The following CD5L variants were observed in gnomAD, a reference collection of about 807,000 sequenced individuals.
The protein encoded by CD5L is CD5 antigen-like.
In CD5L, 39 loss-of-function variants were observed where a neutral mutation model predicts 40.8. The observed-to-expected ratio is 0.96, with a 90% CI of 0.74 to 1.25. The LOEUF is 1.25. CD5L is among the 50% of genes most tolerant of loss of function. CD5L has a pLI of 0.00. For missense variants in CD5L, 433 were observed against 435.9 expected, an observed-to-expected ratio of 0.99 and a Z score of 0.06; for synonymous variants, 192 against 169.6, an observed-to-expected ratio of 1.13 and a Z score of -1.03.
Position 157,831,620 on chromosome 1 carries a change from T to C in CD5L, c.*344A>G, listed in dbSNP as rs1211252641. On this transcript the variant is annotated 3_prime_UTR_variant, in exon 6 of 6. Coordinates refer to ENST00000368174, the MANE Select transcript of CD5L (RefSeq NM_005894.3). ...TGTTTGCAGACATAGACCTTAGTAA[T>C]GGTCTGCACATCTGACCAAAGTGAC... The C allele has an allele frequency of 1.8e-6, 2 of 1,108,754 alleles. No homozygotes were observed. Among genetic ancestry groups the C allele is most frequent in the Non-Finnish European group, 2.2e-6 (2 of 909,858 alleles). 68.7% of individuals were successfully genotyped at this position (1,108,754 alleles called of 1,614,324 possible).
chr1:157,837,393 A>G (rs1252039638), intron 2 of CD5L, among the ~76,000 whole-genome samples: 3 of 152,192 alleles, frequency 2.0e-5, no homozygotes, highest in African/African-American at 7.2e-5. Flanking sequence ...TAGTGAACTC[A>G]GAGAACAGTG....
chr1:157,839,872 T>G (rs10489683), intron 1 of CD5L, among the ~76,000 whole-genome samples: 38,745 of 151,966 alleles, frequency 0.25, 5,068 homozygotes, highest in South Asian at 0.34. Flanking sequence ...CGGCACAGCA[T>G]TTAGACCAGG....
At position 157,831,742 on chromosome 1, in the gene CD5L, T is replaced by C. The variant is rs1260415896; in HGVS notation, c.*222A>G. The C allele has an allele frequency of 1.3e-5, 17 of 1,276,308 alleles. No homozygotes were observed. The highest frequency in any genetic ancestry group is 3.0e-6 in the Non-Finnish European group (3 of 1,008,838). The allele number at this position is 1,276,308 out of a possible 1,614,324, so 79.1% of individuals were successfully genotyped here. On this transcript the variant is annotated 3_prime_UTR_variant, in exon 6 of 6. Transcript: ENST00000368174. ...AGCACAGGATACATGGAAGCTCATC[T>C]TCCCCAGCAAGAGGGAACTCAACAG...
Position 157,834,532 on chromosome 1 carries a change from C to T in CD5L, c.593G>A (p.Arg198Gln), listed in dbSNP as rs202111822. Residue 198 changes from arginine to glutamine, a missense_variant, in exon 4 of 6, where the codon CGA becomes CAA. Transcript: ENST00000368174. ...QKRCNKHAYG[R>Q]KPIWLSQMSC... Reference sequence around the variant, plus strand: ...CATCTGGCTCAGCCAGATGGGTTTTCGGCCATAGGCATGCTTGTTGCAGCG... The same window carrying T: ...CATCTGGCTCAGCCAGATGGGTTTTTGGCCATAGGCATGCTTGTTGCAGCG... 214 of 1,614,208 alleles carry T rather than the reference C, an allele frequency of 1.3e-4. 2 individuals carry two copies. The South Asian group carries it at 1.3e-3, about 10-fold the overall frequency.
chr1:157,828,209 G>A (rs536320122), downstream of CD5L, among the ~76,000 whole-genome samples: 126 of 152,270 alleles, frequency 8.3e-4, no homozygotes, highest in African/African-American at 2.9e-3. Context: ...GACCTCAGAA[G>A]GGAGAACCTC....
chr1:157,835,930 A>G lies in CD5L; in HGVS notation c.281T>C (p.Val94Ala), dbSNP rs200687551. Residue 94 changes from valine to alanine, a missense_variant, in exon 3 of 6, where the codon GTC (valine) becomes GCC (alanine). By Grantham distance (64) the Val-to-Ala change is moderately conservative (BLOSUM62 0). Transcript: ENST00000368174. ...EKEQKVLIQS[V>A]SCTGTEDTLA... ...TGTATCTTCTGTTCCTGTGCAACTGACTGATTGGATGAGGACCTTTTGCTC... is the reference window on the plus strand; with the variant it reads ...TGTATCTTCTGTTCCTGTGCAACTGGCTGATTGGATGAGGACCTTTTGCTC... 1.9e-6 allele frequency: 3 copies of G among 1,614,150 alleles called. No homozygotes were observed. In the Admixed American group the frequency reaches 5.0e-5, roughly 27 times the overall value.
At chr1:157,830,471 T>C (rs1656017544), downstream of CD5L, among the ~76,000 whole-genome samples, 1 of 152,008 alleles carries the variant, frequency 6.6e-6, no homozygotes, top group Non-Finnish European at 1.5e-5. Flanking sequence ...CCCAGCCGAG[T>C]GGTGGGCTCT....
chr1:157,833,539 G>T, intron 4 of CD5L, 27 bp from the exon 5 acceptor site: 1 of 1,538,144 alleles, frequency 6.5e-7, no homozygotes. Context: ...GAAGTCAGGG[G>T]TTGGAGACAG....
rs1287363763 is a variant in CD5L at position 157,835,940 on chromosome 1, T to C, written c.271A>G (p.Ile91Val). The change falls in exon 3 of 6, where the codon ATC becomes GTC. Residue 91 changes from isoleucine to valine, a missense_variant. Coordinates refer to ENST00000368174, the MANE Select transcript of CD5L (RefSeq NM_005894.3). ...PPAEKEQKVL[I>V]QSVSCTGTED... ...GTTCCTGTGCAACTGACTGATTGGA[T>C]GAGGACCTTTTGCTCTTTTTCTGCT... The C allele has an allele frequency of 6.2e-7, 1 of 1,614,112 alleles. No homozygotes were observed. Among genetic ancestry groups the C allele is most frequent in the Non-Finnish European group, 8.5e-7 (1 of 1,180,046 alleles).
At position 157,831,939 on chromosome 1, in the gene CD5L, G is replaced by A; in HGVS notation, c.*25C>T. 6.3e-7 allele frequency: 1 copy of A among 1,574,830 alleles called. No homozygotes were observed. ...AGCAGAGGGCAGGCGGGGCCAGGGG[G>A]GCCAGGTCAAGCAACACCAGGATAC... On this transcript the variant is annotated 3_prime_UTR_variant, in exon 6 of 6. Transcript: ENST00000368174.
downstream of CD5L, among the ~76,000 whole-genome samples, chr1:157,828,405 T>C (rs1433745421): frequency 3.9e-5 from 6 of 152,192 alleles, no homozygotes; most frequent in East Asian, 9.6e-4. Flanking sequence ...GGACAGGTCC[T>C]ATGTCCCCTC....
Position 157,835,881 on chromosome 1 carries a change from T to G in CD5L, c.330A>C (p.Glu110Asp), listed in dbSNP as rs1422823723. The G allele has an allele frequency of 1.2e-6, 2 of 1,614,152 alleles. No homozygotes were observed. Among genetic ancestry groups the G allele is most frequent in the South Asian group, 2.2e-5 (2 of 91,080 alleles). The change falls in exon 3 of 6, where the codon GAA becomes GAC. Residue 110 changes from glutamate (E) to aspartate (D), a missense_variant. Glu to Asp is a conservative substitution (Grantham distance 45, BLOSUM62 2). Coordinates refer to ENST00000368174, the MANE Select transcript of CD5L (RefSeq NM_005894.3). Reference sequence around the variant, plus strand: ...CTTCATCATGTGAACAATCATAAACTTCTTCTTGCTCACACTGAGCCAATG... The same window carrying G: ...CTTCATCATGTGAACAATCATAAACGTCTTCTTGCTCACACTGAGCCAATG... ...EDTLAQCEQE[E>D]VYDCSHDEDA...
Position 157,835,903 on chromosome 1 carries a change from A to C in CD5L, c.308T>G (p.Leu103Trp), listed in dbSNP as rs774590356. 5 of 1,614,202 alleles carry C rather than the reference A, an allele frequency of 3.1e-6. No individual in the cohort carries two copies. The South Asian group carries it at 5.5e-5, about 18-fold the overall frequency. The change falls in exon 3 of 6, where the codon TTG becomes TGG. Residue 103 changes from leucine to tryptophan, a missense_variant. Transcript: ENST00000368174. ...SVSCTGTEDT[L>W]AQCEQEEVYD... ...AACTTCTTCTTGCTCACACTGAGCC[A>C]ATGTATCTTCTGTTCCTGTGCAACT...
At chr1:157,839,312 G>T in intron 2 of CD5L, 72 bp downstream of exon 2, 2 of 1,424,630 alleles carry the variant, frequency 1.4e-6, no homozygotes, top group African/African-American at 1.4e-5. Flanking sequence ...TTTCTCTGTG[G>T]CTCAAGAAGC....
intron 4 of CD5L, 65 bp from the exon 5 acceptor site, chr1:157,833,577 T>C (rs981768553): frequency 7.7e-6 from 10 of 1,291,562 alleles, no homozygotes; most frequent in Non-Finnish European, 1.1e-5. Context: ...AATAAGATCA[T>C]TTATTTTTAA....
chr1:157,841,586 T>TC, intron 1 of CD5L, 88 bp downstream of exon 1: 1 of 1,140,824 alleles, frequency 8.8e-7, no homozygotes, highest in Non-Finnish European at 1.3e-6. Flanking sequence ...AACATCTAAA[T>TC]CTGTTCCAGG....
At position 157,836,172 on chromosome 1, in the gene CD5L, T is replaced by A; in HGVS notation, c.56-17A>T. 2.5e-6 allele frequency: 4 copies of A among 1,601,686 alleles called. No individual in the cohort carries two copies. Among genetic ancestry groups the A allele is most frequent in the Non-Finnish European group, 3.4e-6 (4 of 1,173,624 alleles). On this transcript the variant is annotated splice_polypyrimidine_tract_variant and intron_variant, in intron 2 of 5. Transcript: ENST00000368174. ...ATGGAGACGCTGCAAAGAGACGGGT[T>A]GTTAGCTAGAGGCCTGAGAGGAGCT...
At position 157,831,514 on chromosome 1, in the gene CD5L, T is replaced by G. The variant is rs2101934920; in HGVS notation, c.*450A>C. The G allele has an allele frequency of 2.0e-6, 2 of 988,516 alleles. No homozygotes were observed. The highest frequency in any genetic ancestry group is 2.2e-4 in the East Asian group (2 of 8,974). The allele number at this position is 988,516 out of a possible 1,614,324, so 61.2% of individuals were successfully genotyped here. The stretch of plus-strand genomic sequence containing the variant: ...AGTTGCAAGAAATTGTCTACCCACA[T>G]TTTCTTTCAAATGTTCCTTTCATTG... On this transcript the variant is annotated 3_prime_UTR_variant, in exon 6 of 6. Coordinates refer to ENST00000368174, the MANE Select transcript of CD5L (RefSeq NM_005894.3).
At position 157,838,978 on chromosome 1, in the gene CD5L, C is replaced by A. The variant is rs114718837; in HGVS notation, c.55+406G>T. 6.6e-3 allele frequency among the ~76,000 whole-genome samples: 999 copies of A among 152,338 alleles called. 9 individuals are homozygous for A. The highest frequency in any genetic ancestry group is 0.022 in the African/African-American group (932 of 41,578). On this transcript the variant is annotated intron_variant, in intron 2 of 5. Transcript: ENST00000368174. Reference sequence around the variant, plus strand: ...AAGCTATGTGCTGCAAGCAACAATGCATTTCTAATTCAAACAAAGACACCA... The same window carrying A: ...AAGCTATGTGCTGCAAGCAACAATGAATTTCTAATTCAAACAAAGACACCA...
Sources: gnomAD v4.1 joint callset for allele counts (sites outside exome capture counted in the v4.1 genomes callset) on GRCh38, gnomAD v4.1.1 for gene constraint, MANE v1.5 for transcripts, NCBI Gene and HGNC (gene_info 2026-07-23, HGNC 2026-07-21) for gene names.